The following CCT8 variants were observed in gnomAD, a reference collection of about 807,000 sequenced individuals.
CCT8 encodes T-complex protein 1 subunit theta.
A neutral mutation model predicts 65.7 loss-of-function variants in CCT8; 10 were observed. The observed-to-expected ratio is 0.15, with a 90% CI of 0.09 to 0.26. CCT8 has a LOEUF of 0.26. Ranked by LOEUF, CCT8 falls within the 10% of genes least tolerant of loss-of-function variation. CCT8 has a pLI of 1.00. For missense variants in CCT8, 568 were observed against 669.1 expected, an observed-to-expected ratio of 0.85 and a Z score of 1.67; for synonymous variants, 199 against 221.8, an observed-to-expected ratio of 0.90 and a Z score of 0.92.
intron 1 of CCT8, 71 bp downstream of exon 1, chr21:29,073,460 C>T (rs891514003): frequency 5.6e-5 from 90 of 1,610,656 alleles, no homozygotes; most frequent in Non-Finnish European, 7.4e-5. Context: ...TTAGTAGGCC[C>T]TCCTACTTCG....
At position 29,060,635 on chromosome 21, in the gene CCT8, A is replaced by G. The variant is rs1329612511; in HGVS notation, c.1475T>C (p.Met492Thr). ...AGTATCTAGAATACCAGCTTCCAGCATGTCCTTTACAGCAGGGACTTCAGC... is the reference window on the plus strand; with the variant it reads ...AGTATCTAGAATACCAGCTTCCAGCGTGTCCTTTACAGCAGGGACTTCAGC... ...IEAEVPAVKD[M>T]LEAGILDTYL... is the part of the protein sequence containing the mutation. Residue 492 changes from methionine (M) to threonine (T), a missense_variant, in exon 14 of 15, where the codon ATG (methionine) becomes ACG (threonine). Physicochemically the swap from Met to Thr is moderately conservative, Grantham distance 81. Coordinates refer to ENST00000286788, the MANE Select transcript of CCT8 (RefSeq NM_006585.4). The G allele has an allele frequency of 8.1e-6, 13 of 1,613,764 alleles. No individual in the cohort carries two copies. Among genetic ancestry groups the G allele is most frequent in the Non-Finnish European group, 1.1e-5 (13 of 1,179,814 alleles).
Position 29,061,270 on chromosome 21 carries a change from C to T in CCT8, c.1432G>A (p.Val478Ile), listed in dbSNP as rs763321345. The change falls in exon 13 of 15, where the codon GTT (valine) becomes ATT (isoleucine). Residue 478 changes from valine to isoleucine, a missense_variant. Coordinates refer to ENST00000286788, the MANE Select transcript of CCT8 (RefSeq NM_006585.4). ...YAVHQEGNKN[V>I]GLDIEAEVPA... is the part of the protein sequence containing the mutation. Reference sequence around the variant, plus strand: ...TCAAATACCTCAATATCTAATCCAACGTTTTTATTTCCTTCTTGATGTACT... The same window carrying T: ...TCAAATACCTCAATATCTAATCCAATGTTTTTATTTCCTTCTTGATGTACT... 32 of 1,613,066 alleles carry T rather than the reference C, an allele frequency of 2.0e-5. No individual in the cohort carries two copies. Among genetic ancestry groups the T allele is most frequent in the Non-Finnish European group, 1.7e-5 (20 of 1,179,428 alleles).
chr21:29,058,732 C>A (rs1423948770), intron 14 of CCT8, among the ~76,000 whole-genome samples: 1 of 151,520 alleles, frequency 6.6e-6, no homozygotes, highest in African/African-American at 2.4e-5. Flanking sequence ...GCTGGGACTA[C>A]AGGCATCTGC....
Position 29,057,649 on chromosome 21 carries a change from A to AAT in CCT8, c.1570-1099_1570-1098dup, listed in dbSNP as rs552401896. On this transcript the variant is annotated intron_variant, in intron 14 of 14. Transcript: ENST00000286788. ...ATAAAATATATATATAACATTTGAT[A>AAT]ATATATATATGATATATGTATCATA... 1.3e-4 allele frequency among the ~76,000 whole-genome samples: 15 copies of AAT among 119,322 alleles called. 1 individual carries two copies. In the South Asian group the frequency reaches 4.0e-3, roughly 32 times the overall value. The allele number at this position is 119,322 out of a possible 152,430, so 78.3% of individuals were successfully genotyped here.
chr21:29,071,273 A>C (rs1356946891), intron 1 of CCT8, among the ~76,000 whole-genome samples: 1 of 152,184 alleles, frequency 6.6e-6, no homozygotes, highest in Non-Finnish European at 1.5e-5. Context: ...TGAATATCAC[A>C]CTGGACAGCG....
rs970191064 is a variant in CCT8 at position 29,061,528 on chromosome 21, C to T, written c.1252G>A (p.Glu418Lys). The T allele has an allele frequency of 3.1e-6, 5 of 1,613,916 alleles. No individual in the cohort carries two copies. The highest frequency in any genetic ancestry group is 4.2e-6 in the Non-Finnish European group (5 of 1,179,898). ...TATGATGTGATCTGTTTGGCTAATTCAATTTCTGTTGCTCCACCTCCGGGT... is the reference window on the plus strand; with the variant it reads ...TATGATGTGATCTGTTTGGCTAATTTAATTTCTGTTGCTCCACCTCCGGGT... ...LVPGGGATEI[E>K]LAKQITSYGE... The change falls in exon 12 of 15, where the codon GAA becomes AAA. Residue 418 changes from glutamate to lysine, a missense_variant. Transcript: ENST00000286788.
chr21:29,063,235 A>T lies in CCT8; in HGVS notation c.941+117T>A, dbSNP rs2085583345. ...CCAAACTAAATCCTTCTGCTATTTG[A>T]CCTAGTACCTTTACTTTCCCTTTAT... On this transcript the variant is annotated intron_variant, in intron 8 of 14. Coordinates refer to ENST00000286788, the MANE Select transcript of CCT8 (RefSeq NM_006585.4). 9.5e-6 allele frequency: 7 copies of T among 740,262 alleles called. No homozygotes were observed. The Admixed American group carries it at 1.6e-4, about 17-fold the overall frequency. The allele number at this position is 740,262 out of a possible 1,614,324, so 45.9% of individuals were successfully genotyped here.
chr21:29,066,791 G>A lies in CCT8; in HGVS notation c.563-14C>T. ...GAAAAATAGATACTGTTAAGAAAATGAGACATATCAAAAGATTATTTTGGG... is the reference window on the plus strand; with the variant it reads ...GAAAAATAGATACTGTTAAGAAAATAAGACATATCAAAAGATTATTTTGGG... On this transcript the variant is annotated splice_polypyrimidine_tract_variant and intron_variant, in intron 5 of 14. Coordinates refer to ENST00000286788, the MANE Select transcript of CCT8 (RefSeq NM_006585.4). 1 of 1,597,542 alleles carries A rather than the reference G, an allele frequency of 6.3e-7. No homozygotes were observed. The highest frequency in any genetic ancestry group is 1.1e-5 in the South Asian group (1 of 88,636).
Position 29,073,625 on chromosome 21 carries a change from C to G in CCT8, c.-35G>C, listed in dbSNP as rs1390142378. 4 of 1,601,958 alleles carry G rather than the reference C, an allele frequency of 2.5e-6. 1 individual carries two copies. In the South Asian group the frequency reaches 3.3e-5, roughly 13 times the overall value. ...GCAGGAAGCAGTTCACGCGACCGCT[C>G]GGAAGACCGCGGAGGAAGCGAGGAG... On this transcript the variant is annotated 5_prime_UTR_variant, in exon 1 of 15. Coordinates refer to ENST00000286788, the MANE Select transcript of CCT8 (RefSeq NM_006585.4).
At chr21:29,071,865 C>G (rs1056231493) in intron 1 of CCT8, 37 of 687,388 alleles carry the variant, frequency 5.4e-5, no homozygotes, top group Non-Finnish European at 9.5e-5. Flanking sequence ...GGTTTCCCAA[C>G]CAGCTTAGGA....
intron 1 of CCT8, among the ~76,000 whole-genome samples, chr21:29,071,415 C>A (rs2085678664): frequency 6.6e-6 from 1 of 151,808 alleles, no homozygotes; most frequent in Non-Finnish European, 1.5e-5. Flanking sequence ...AGAGAGTCTC[C>A]TCTATCGCTC....
intron 14 of CCT8, 45 bp downstream of exon 14, chr21:29,060,496 T>A: frequency 6.3e-7 from 1 of 1,587,918 alleles, no homozygotes; most frequent in Non-Finnish European, 8.6e-7. Context: ...TATTAAACAG[T>A]ATGCAAATGA....
At chr21:29,059,594 T>C (rs182667357) in intron 14 of CCT8, 32 of 152,338 alleles carry the variant, frequency 2.1e-4, no homozygotes, top group African/African-American at 7.2e-4. Context: ...CTAGAATAAG[T>C]ATTTTCTTAG....
chr21:29,069,346 G>T, intron 3 of CCT8, 77 bp downstream of exon 3: 1 of 755,146 alleles, frequency 1.3e-6, no homozygotes, highest in South Asian at 1.9e-5. Context: ...TCTGAAATAA[G>T]AGATTTCTTC....
intron 3 of CCT8, among the ~76,000 whole-genome samples, chr21:29,068,535 T>C (rs754896461): frequency 6.6e-6 from 1 of 151,966 alleles, no homozygotes; most frequent in South Asian, 2.1e-4. Flanking sequence ...TCTTGGCTCA[T>C]TGCAACCTCC....
intron 6 of CCT8, among the ~76,000 whole-genome samples, chr21:29,066,300 G>C (rs761911885): frequency 2.3e-4 from 35 of 152,124 alleles, no homozygotes; most frequent in Non-Finnish European, 4.6e-4. Flanking sequence ...CAGCACTTTG[G>C]GAGGCCAAGG....
At chr21:29,058,630 C>T (rs1245022984) in intron 14 of CCT8, among the ~76,000 whole-genome samples, 6 of 146,334 alleles carry the variant, frequency 4.1e-5, no homozygotes, top group East Asian at 4.1e-4. Flanking sequence ...CTTGCTCTGT[C>T]GCCCAGGCTG....
In CCT8 at chr21:29,061,291, G is replaced by A. The variant is rs751624644; in HGVS notation, c.1411C>T (p.His471Tyr). 2 of 1,613,714 alleles carry A rather than the reference G, an allele frequency of 1.2e-6. No homozygotes were observed. Among genetic ancestry groups the A allele is most frequent in the Non-Finnish European group, 1.7e-6 (2 of 1,179,698 alleles). ...CCAACGTTTTTATTTCCTTCTTGAT[G>A]TACTGCATAAAGTTTAGAGATTACT... ...NEVISKLYAVHQEGNKNVGLD... is the reference protein window; with the variant it reads ...NEVISKLYAVYQEGNKNVGLD... Residue 471 changes from histidine (H) to tyrosine (Y), a missense_variant, in exon 13 of 15, where the codon CAT (histidine) becomes TAT (tyrosine). Transcript: ENST00000286788.
chr21:29,058,378 T>G (rs977950844), intron 14 of CCT8, among the ~76,000 whole-genome samples: 2 of 151,456 alleles, frequency 1.3e-5, no homozygotes, highest in South Asian at 4.2e-4. Flanking sequence ...GAGGTGGCGG[T>G]TGCAGTAAGC....
Sources: allele counts gnomAD v4.1 joint callset (sites outside exome capture counted in the v4.1 genomes callset), GRCh38; gene constraint gnomAD v4.1.1; transcripts MANE v1.5; gene names NCBI Gene and HGNC (gene_info 2026-07-23, HGNC 2026-07-21).